Variants in DMKN observed in about 807,000 individuals in gnomAD.
DMKN encodes dermokine.
A neutral mutation model predicts 67.6 loss-of-function variants in DMKN; 58 were observed. That is an observed-to-expected ratio of 0.86 (90% CI 0.69 to 1.07). DMKN has a LOEUF of 1.07. Ranked by LOEUF, DMKN falls within the 50% of genes least tolerant of loss-of-function variation. DMKN has a pLI of 0.00. For missense variants in DMKN, 596 were observed against 601.5 expected (o/e 0.99, Z 0.10); for synonymous variants, 240 against 232.3 (o/e 1.03, Z -0.30).
chr19:35,501,936 C>T, intron 11 of DMKN, 200 bp downstream of exon 11: 1 of 1,558,746 alleles, frequency 6.4e-7, no homozygotes. Context: ...TCGGCCTCGG[C>T]TTTTATGCTA....
At chr19:35,512,292 C>G (rs991527450) in intron 3 of DMKN, 129 bp downstream of exon 3, 6 of 1,310,142 alleles carry the variant, frequency 4.6e-6, no homozygotes, top group Non-Finnish European at 6.2e-6. Context: ...GCCACCTCGC[C>G]CAGCCCCATC....
intron 15 of DMKN, chr19:35,497,849 G>A (rs2145807076): frequency 6.6e-6 from 1 of 152,492 alleles, no homozygotes; most frequent in Middle Eastern, 3.4e-3. Flanking sequence ...CATCTTCTCA[G>A]AGCTGTGCCT....
chr19:35,507,407 T>C, intron 7 of DMKN: 1 of 1,502,648 alleles, frequency 6.7e-7, no homozygotes, highest in Non-Finnish European at 9.1e-7. Context: ...GATCTTAGCA[T>C]GCTTCACCAT....
Position 35,511,435 on chromosome 19 carries a change from A to C in DMKN, c.894T>G (p.Gly298=), listed in dbSNP as rs770083660. 6.8e-6 allele frequency: 11 copies of C among 1,606,296 alleles called. No individual in the cohort carries two copies. The highest frequency in any genetic ancestry group is 1.7e-5 in the Admixed American group (1 of 59,752). The change falls in exon 5 of 16, where the codon GGT becomes GGG. Residue 298 remains glycine, a synonymous_variant. Transcript: ENST00000339686. ...GSSGNSGGSR[G]DSGSESSWGS... is the part of the protein sequence containing the mutation. ...CCCAGGAGGACTCACTGCCGCTGTC[A>C]CCTCTGCTGCCACCACTGTTGCCAC...
rs77647392 is a variant in DMKN, at chr19:35,505,509, T to C, written c.1134+209A>G. ...CAGCAAAGAAGCCCGTCCCCTCTGC[T>C]CAACCTCAATCTCAGCTGCTCCAGA... On this transcript the variant is annotated intron_variant, in intron 9 of 15. Coordinates refer to ENST00000339686, the MANE Select transcript of DMKN (RefSeq NM_033317.5). Among the ~76,000 whole-genome samples the C allele has an allele frequency of 0.023, 3,454 of 152,214 alleles. 134 individuals carry two copies. Among genetic ancestry groups the C allele is most frequent in the African/African-American group, 0.079 (3,280 of 41,514 alleles).
rs1249395397 is a variant in DMKN at position 35,512,432 on chromosome 19, G to A, written c.673C>T (p.Gln225Ter). ...CCCCTTCCTCTTACCCCTTCATTCTGGTTGCTGGCTCTCACTGAACCATAG... is the reference window on the plus strand; with the variant it reads ...CCCCTTCCTCTTACCCCTTCATTCTAGTTGCTGGCTCTCACTGAACCATAG... ...PGYGSVRASN[Q>*]NEGCTNPPPS... Residue 225 changes from glutamine to a stop codon, truncating the protein, a stop_gained, in exon 3 of 16, where the codon CAG (glutamine) becomes TAG (stop). Coordinates refer to ENST00000339686, the MANE Select transcript of DMKN (RefSeq NM_033317.5). LOFTEE classifies it high-confidence loss of function. 5 of 1,614,006 alleles carry A rather than the reference G, an allele frequency of 3.1e-6. No homozygotes were observed. Among genetic ancestry groups the A allele is most frequent in the Non-Finnish European group, 4.2e-6 (5 of 1,180,016 alleles).
Position 35,506,520 on chromosome 19 carries a change from ATC to A in DMKN, c.1039-536_1039-535del, listed in dbSNP as rs746810029. The A allele has an allele frequency of 2.7e-4, 134 of 503,854 alleles. 1 individual carries two copies. The highest frequency in any genetic ancestry group is 8.2e-4 in the South Asian group (53 of 64,994). 31.2% of individuals were successfully genotyped at this position (503,854 alleles called of 1,614,324 possible). A position where few individuals can be genotyped will look rare whatever the true frequency, so the allele number is the denominator to read the frequency against. ...CGCCAAGCACCATGCCTTATGCAGC[ATC>A]TGTCTCCAGAGTCTGGACTCCACAA... is the stretch of plus-strand genomic sequence containing the variant. On this transcript the variant is annotated intron_variant, in intron 7 of 15. Coordinates refer to ENST00000339686, the MANE Select transcript of DMKN (RefSeq NM_033317.5).
In DMKN at chr19:35,511,513, G is replaced by A; in HGVS notation, c.816C>T (p.Ser272=). Residue 272 remains serine, a synonymous_variant, in exon 5 of 16, where the codon AGC becomes AGT. Transcript: ENST00000339686. ...TGCCGCCACTGCTGCTGCCACTGCT[G>A]CTGCCACCACTGCTGCTGCCATTGT... ...DNNNGSSSGG[S]SSGSSSGGSS... is the part of the protein sequence containing the mutation. 1 of 1,478,438 alleles carries A rather than the reference G, an allele frequency of 6.8e-7. No individual in the cohort carries two copies. Among genetic ancestry groups the A allele is most frequent in the South Asian group, 1.2e-5 (1 of 80,594 alleles). The allele number at this position is 1,478,438 out of a possible 1,614,324, so 91.6% of individuals were successfully genotyped here.
chr19:35,513,323 C>T lies in DMKN; in HGVS notation c.153G>A (p.Val51=). 1 of 1,614,196 alleles carries T rather than the reference C, an allele frequency of 6.2e-7. No individual in the cohort carries two copies. The change falls in exon 1 of 16, where the codon GTG becomes GTA. Residue 51 remains valine (V), a synonymous_variant. Coordinates refer to ENST00000339686, the MANE Select transcript of DMKN (RefSeq NM_033317.5). ...HGLGDALSEG[V]GKAIGKEAGG... ...CGGCCTCTTTGCCAATGGCCTTTCC[C>T]ACCCCTTCGCTCAGGGCGTCTCCCA...
rs77721802 is a variant in DMKN, at chr19:35,511,320, G to A, written c.918+91C>T. ...GCGAGGCCGCCCATCCTCGGGCAGCGGCAGCTTTCAGAGAAACTTGGAGCC... is the reference window on the plus strand; with the variant it reads ...GCGAGGCCGCCCATCCTCGGGCAGCAGCAGCTTTCAGAGAAACTTGGAGCC... On this transcript the variant is annotated intron_variant, in intron 5 of 15. Transcript: ENST00000339686. The A allele has an allele frequency of 2.5e-4, 392 of 1,581,148 alleles. 6 individuals are homozygous for A. The East Asian group carries it at 8.5e-3, about 34-fold the overall frequency.
intron 7 of DMKN, chr19:35,508,436 G>C (rs1306509468): frequency 5.2e-6 from 3 of 579,494 alleles, no homozygotes; most frequent in Admixed American, 6.9e-5. Context: ...AAGATAAATG[G>C]TAAGTGAAGA....
chr19:35,504,801 T>C (rs1411828443), intron 9 of DMKN, among the ~76,000 whole-genome samples: 1 of 151,814 alleles, frequency 6.6e-6, no homozygotes, highest in Non-Finnish European at 1.5e-5. Context: ...GTGGCTAAAA[T>C]GACTGTGACA....
chr19:35,508,155 C>A (rs531234268), intron 7 of DMKN: 1 of 1,550,736 alleles, frequency 6.4e-7, no homozygotes, highest in Non-Finnish European at 8.7e-7. Context: ...AGACCTCTAC[C>A]CCACTTACTA....
chr19:35,509,838 A>C, intron 7 of DMKN, 73 bp downstream of exon 7: 1 of 1,557,066 alleles, frequency 6.4e-7, no homozygotes, highest in Non-Finnish European at 8.8e-7. Context: ...AGCAGAGTTG[A>C]GTTAGGAGGA....
intron 9 of DMKN, among the ~76,000 whole-genome samples, chr19:35,505,441 G>C (rs1419528369): frequency 6.6e-6 from 1 of 152,078 alleles, no homozygotes; most frequent in African/African-American, 2.4e-5. Context: ...CATCTCAAAG[G>C]GGAAAGTGAG....
At chr19:35,508,736 G>A (rs1026373726) in intron 7 of DMKN, among the ~76,000 whole-genome samples, 5 of 152,146 alleles carry the variant, frequency 3.3e-5, no homozygotes, top group African/African-American at 1.2e-4. Flanking sequence ...ATGGAGGGGT[G>A]GGACTAGACA....
rs142090956 is a variant in DMKN, at chr19:35,513,091, G to A, written c.385C>T (p.Arg129Cys). 4.3e-5 allele frequency: 69 copies of A among 1,613,886 alleles called. 1 individual carries two copies. The South Asian group carries it at 5.7e-4, about 13-fold the overall frequency. The change falls in exon 1 of 16, where the codon CGC (arginine) becomes TGC (cysteine). Residue 129 changes from arginine to cysteine, a missense_variant. Arg to Cys is a radical substitution (Grantham distance 180). Coordinates refer to ENST00000339686, the MANE Select transcript of DMKN (RefSeq NM_033317.5). ...DVIRHGADAV[R>C]GSWQGVPGHN... ...CCAGGCACCCCCTGCCAGGAGCCGC[G>A]GACAGCATCTGCTCCGTGTCGAATG...
In DMKN at chr19:35,511,564, A is replaced by T. The variant is rs2070829646; in HGVS notation, c.765T>A (p.Ser255Arg). 1 of 1,593,214 alleles carries T rather than the reference A, an allele frequency of 6.3e-7. No homozygotes were observed. The highest frequency in any genetic ancestry group is 8.5e-7 in the Non-Finnish European group (1 of 1,173,852). The change falls in exon 5 of 16, where the codon AGT becomes AGA. Residue 255 changes from serine (S) to arginine (R), a missense_variant. Transcript: ENST00000339686. Reference sequence around the variant, plus strand: ...TGTTGTCACCATTGCTGCCACTGCCACTGCTGCCCGACTGTGAGCCGCTGC... The same window carrying T: ...TGTTGTCACCATTGCTGCCACTGCCTCTGCTGCCCGACTGTGAGCCGCTGC... Reference protein sequence around the residue: ...GGGSGSQSGSSGSGSNGDNNN... With the variant: ...GGGSGSQSGSRGSGSNGDNNN...
At position 35,509,913 on chromosome 19, in the gene DMKN, G is replaced by GA. The variant is rs761502840; in HGVS notation, c.1035dup (p.Gln346SerfsTer4). On this transcript the variant is annotated frameshift_variant, in exon 7 of 16. Coordinates refer to ENST00000339686, the MANE Select transcript of DMKN (RefSeq NM_033317.5). LOFTEE classifies it high-confidence loss of function. ...ACTTAAGAGACTTTGGCTCTCACCT[G>GA]AATCCCAGATTCCCCGCTCCCGCGG... 1 of 1,614,234 alleles carries GA rather than the reference G, an allele frequency of 6.2e-7. No individual in the cohort carries two copies. The highest frequency in any genetic ancestry group is 8.5e-7 in the Non-Finnish European group (1 of 1,180,036).
Sources: allele counts gnomAD v4.1 joint callset (sites outside exome capture counted in the v4.1 genomes callset), GRCh38; gene constraint gnomAD v4.1.1; transcripts MANE v1.5; gene names NCBI Gene and HGNC (gene_info 2026-07-23, HGNC 2026-07-21).